CATSPERB: variants seen among roughly 807,000 people sequenced by gnomAD.
CATSPERB encodes cation channel sperm-associated auxiliary subunit beta.
A neutral mutation model predicts 128.3 loss-of-function variants in CATSPERB; 93 were observed. The observed-to-expected ratio is 0.72, with a 90% CI of 0.61 to 0.86. The LOEUF is 0.86. Ranked by LOEUF, CATSPERB falls within the 40% of genes least tolerant of loss-of-function variation. The pLI, the probability that CATSPERB is intolerant of heterozygous loss-of-function variation, is 0.00. For missense variants in CATSPERB, 1,153 were observed against 1,329.5 expected (o/e 0.87, Z 2.06); for synonymous variants, 381 against 448.8 (o/e 0.85, Z 1.91).
chr14:91,589,795 G>T (rs1893365986), intron 23 of CATSPERB, 126 bp from the exon 24 acceptor site: 4 of 796,784 alleles, frequency 5.0e-6, no homozygotes, highest in Admixed American at 2.7e-5. Context: ...CTCCTGAGGG[G>T]TTTCTGCCTT....
chr14:91,652,594 C>G (rs1894722429), intron 15 of CATSPERB, among the ~76,000 whole-genome samples: 1 of 139,842 alleles, frequency 7.2e-6, no homozygotes, highest in Non-Finnish European at 1.5e-5. Context: ...TCGCTTGAAC[C>G]CGGGAGGCGG....
chr14:91,663,266 A>C (rs1160792147), intron 14 of CATSPERB, among the ~76,000 whole-genome samples: 2 of 152,192 alleles, frequency 1.3e-5, no homozygotes, highest in Non-Finnish European at 2.9e-5. Context: ...TCACCAGTGT[A>C]ACTTAAGATC....
intron 17 of CATSPERB, among the ~76,000 whole-genome samples, chr14:91,630,306 G>A (rs917419109): frequency 6.6e-6 from 1 of 152,126 alleles, no homozygotes; most frequent in African/African-American, 2.4e-5. Context: ...GCACCCCAGG[G>A]CTTTTCTTCT....
chr14:91,587,224 CA>C lies in CATSPERB; in HGVS notation c.3109del (p.Cys1037ValfsTer3). On this transcript the variant is annotated frameshift_variant, in exon 26 of 27. Transcript: ENST00000256343. LOFTEE classifies it low-confidence loss of function (END_TRUNC). ...TACCTGAAATTCTTCAATTAAGTTA[CA>C]AAAAGTTACTCCTGAAATGACGGTC... ...RVTVISGVTF[C>X]NLIEEFQIYV... is the part of the protein sequence containing the mutation. 2 of 1,604,170 alleles carry C rather than the reference CA, an allele frequency of 1.2e-6. No individual in the cohort carries two copies. The highest frequency in any genetic ancestry group is 1.7e-6 in the Non-Finnish European group (2 of 1,176,144).
chr14:91,653,618 C>T (rs368528521), intron 15 of CATSPERB, among the ~76,000 whole-genome samples: 3 of 152,118 alleles, frequency 2.0e-5, no homozygotes, highest in Admixed American at 6.5e-5. Flanking sequence ...GAAGCAAAAG[C>T]GGAAACCCCT....
At chr14:91,704,444 A>T in intron 7 of CATSPERB, 108 bp downstream of exon 7, 1 of 1,170,636 alleles carries the variant, frequency 8.5e-7, no homozygotes. Context: ...TTTTTAGGAA[A>T]CAATTTTCCT....
chr14:91,689,538 T>A (rs1895431112), intron 10 of CATSPERB, among the ~76,000 whole-genome samples: 1 of 152,226 alleles, frequency 6.6e-6, no homozygotes, highest in Non-Finnish European at 1.5e-5. Context: ...TGTAACTTTT[T>A]AAAATATATA....
intron 20 of CATSPERB, among the ~76,000 whole-genome samples, chr14:91,614,348 T>A (rs1183871806): frequency 6.6e-6 from 1 of 152,106 alleles, no homozygotes; most frequent in Non-Finnish European, 1.5e-5. Flanking sequence ...ATACCCAAAA[T>A]GTTAAAAGTG....
chr14:91,718,751 T>C (rs1895982211), intron 5 of CATSPERB, among the ~76,000 whole-genome samples: 1 of 152,228 alleles, frequency 6.6e-6, no homozygotes, highest in Non-Finnish European at 1.5e-5. Context: ...TTCTAATTCC[T>C]TCCTATAAGA....
At chr14:91,723,301 A>G in intron 3 of CATSPERB, 112 bp from the exon 4 acceptor site, 1 of 681,234 alleles carries the variant, frequency 1.5e-6, no homozygotes, top group Non-Finnish European at 2.1e-6. Flanking sequence ...GAAAAAATAT[A>G]TATATTTATA....
chr14:91,663,794 CAT>C (rs2139824211), intron 14 of CATSPERB, among the ~76,000 whole-genome samples: 1 of 151,986 alleles, frequency 6.6e-6, no homozygotes, highest in East Asian at 1.9e-4. Context: ...GTAAAAAACA[CAT>C]ATCATAAACT....
intron 26 of CATSPERB, among the ~76,000 whole-genome samples, chr14:91,586,571 A>AAAGAGAGAGAGAG (rs1555358774): frequency 6.8e-4 from 78 of 114,238 alleles, no homozygotes; most frequent in African/African-American, 1.9e-3. Flanking sequence ...GAGAGAGAGA[A>AAAGAGAGAGAGAG]AGAGAGAGAG....
At chr14:91,653,177 A>G (rs2202956) in intron 15 of CATSPERB, among the ~76,000 whole-genome samples, 88,246 of 151,972 alleles carry the variant, frequency 0.58, 26,333 homozygotes, top group East Asian at 0.77. Context: ...ACTGGAGATC[A>G]GAAGAAATTT....
intron 6 of CATSPERB, among the ~76,000 whole-genome samples, chr14:91,706,993 A>T (rs900737522): frequency 6.6e-6 from 1 of 152,204 alleles, no homozygotes; most frequent in Admixed American, 6.5e-5. Flanking sequence ...ATCCTTCCTC[A>T]AGAGTTATTC....
At chr14:91,655,475 TTTAGCAAAGAGA>T (rs1247788910) in intron 15 of CATSPERB, among the ~76,000 whole-genome samples, 2 of 152,138 alleles carry the variant, frequency 1.3e-5, no homozygotes, top group African/African-American at 4.8e-5. Context: ...GTCAGATAAA[TTTAGCAAAGAGA>T]TTGAAACAAT....
chr14:91,614,041 G>A (rs80099065), intron 20 of CATSPERB, among the ~76,000 whole-genome samples: 4,562 of 152,226 alleles, frequency 0.03, 213 homozygotes, highest in African/African-American at 0.1. Context: ...AGCTCTGAGT[G>A]TATTGTTGCT....
At chr14:91,681,295 T>G (rs933726136) in intron 11 of CATSPERB, among the ~76,000 whole-genome samples, 2 of 152,192 alleles carry the variant, frequency 1.3e-5, no homozygotes, top group East Asian at 1.9e-4. Flanking sequence ...CAAAAAAGAC[T>G]GTGATGGTTG....
intron 14 of CATSPERB, among the ~76,000 whole-genome samples, chr14:91,668,385 T>C (rs563008114): frequency 3.3e-5 from 5 of 152,206 alleles, no homozygotes; most frequent in African/African-American, 1.2e-4. Flanking sequence ...CAGCACTCTG[T>C]GTCTAGCTAA....
At chr14:91,647,523 A>T (rs960260892) in intron 15 of CATSPERB, among the ~76,000 whole-genome samples, 3 of 152,232 alleles carry the variant, frequency 2.0e-5, no homozygotes, top group Non-Finnish European at 4.4e-5. Flanking sequence ...GGTAATTTAT[A>T]AAGGAAAGAG....
Sources: allele counts gnomAD v4.1 joint callset (sites outside exome capture counted in the v4.1 genomes callset), GRCh38; gene constraint gnomAD v4.1.1; transcripts MANE v1.5; gene names NCBI Gene and HGNC (gene_info 2026-07-23, HGNC 2026-07-21).